KCNN2: variants seen among roughly 807,000 people sequenced by gnomAD.
The protein encoded by KCNN2 is potassium calcium-activated channel subfamily N member 2, also known as small conductance calcium-activated potassium channel protein 2.
KCNN2 carries 24 observed loss-of-function variants against 55.5 expected under a neutral mutation model. The ratio of observed to expected loss-of-function variants is 0.43; its 90% CI spans 0.31 to 0.61. KCNN2 has a LOEUF of 0.61. Among genes scored for constraint, KCNN2 ranks in the 20% least tolerant of loss-of-function variants. The pLI, the probability that KCNN2 is intolerant of heterozygous loss-of-function variation, is 0.08. For synonymous variants in KCNN2, 431 were observed against 336.1 expected (o/e 1.28, Z -3.09); for missense variants, 754 against 853.6 (o/e 0.88, Z 1.45).
chr5:114,202,185 A>C (rs1324567585), intron 1 of KCNN2, among the ~76,000 whole-genome samples: 1 of 151,862 alleles, frequency 6.6e-6, no homozygotes, highest in Non-Finnish European at 1.5e-5. Context: ...CCAGGGTTGG[A>C]TGCCTGTGGG....
At chr5:114,320,558 G>A (rs1756595612) in intron 2 of KCNN2, among the ~76,000 whole-genome samples, 1 of 151,596 alleles carries the variant, frequency 6.6e-6, no homozygotes. Flanking sequence ...AGCTGGCAGT[G>A]AGCCGAGATC....
intron 1 of KCNN2, among the ~76,000 whole-genome samples, chr5:114,159,823 T>G: frequency 6.6e-6 from 1 of 152,236 alleles, no homozygotes; most frequent in Non-Finnish European, 1.5e-5. Flanking sequence ...GATGGTAGTT[T>G]GTATTTCTGT....
chr5:114,162,882 T>C (rs1470354498), intron 1 of KCNN2, among the ~76,000 whole-genome samples: 1 of 152,102 alleles, frequency 6.6e-6, no homozygotes, highest in African/African-American at 2.4e-5. Flanking sequence ...GCGACCTGAT[T>C]TTCCAGGTGC....
chr5:114,280,258 C>G (rs914015704), intron 2 of KCNN2, among the ~76,000 whole-genome samples: 1 of 152,172 alleles, frequency 6.6e-6, no homozygotes. Flanking sequence ...GTTGCCTGTT[C>G]ACTCTGATAG....
At chr5:114,244,721 A>G (rs1035044047) in intron 2 of KCNN2, among the ~76,000 whole-genome samples, 1 of 152,062 alleles carries the variant, frequency 6.6e-6, no homozygotes, top group Non-Finnish European at 1.5e-5. Context: ...TGTGTTGGTG[A>G]AGTTTGTGAG....
chr5:114,370,105 A>C (rs1373776568), intron 2 of KCNN2, among the ~76,000 whole-genome samples: 1 of 152,150 alleles, frequency 6.6e-6, no homozygotes, highest in Admixed American at 6.5e-5. Context: ...TAATAATTCT[A>C]TTTATAAAAC....
intron 2 of KCNN2, among the ~76,000 whole-genome samples, chr5:114,337,988 G>C (rs1016287219): frequency 6.6e-6 from 1 of 152,112 alleles, no homozygotes; most frequent in Non-Finnish European, 1.5e-5. Context: ...TGCTAGAGAG[G>C]CTGGTTATAT....
intron 3 of KCNN2, among the ~76,000 whole-genome samples, chr5:114,441,419 T>C (rs572406865): frequency 5.3e-5 from 8 of 152,322 alleles, no homozygotes; most frequent in African/African-American, 1.9e-4. Flanking sequence ...ATTGACCATA[T>C]GTGATGCCAT....
rs78563837 is a variant in KCNN2, at chr5:114,417,003, G to T, written c.1637+12147G>T. On this transcript the variant is annotated intron_variant, in intron 3 of 7. Coordinates refer to ENST00000673685, the MANE Select transcript of KCNN2 (RefSeq NM_021614.4). ...TTAGTAATTATAAACTCCTGTTTTT[G>T]AACAAAACTGGGTTATACTAGGCAT... Among the ~76,000 whole-genome samples the T allele has an allele frequency of 1.6e-4, 24 of 152,244 alleles. 1 individual carries two copies. In the East Asian group the frequency reaches 4.4e-3, roughly 28 times the overall value.
chr5:114,487,279 G>A (rs1747608557), intron 6 of KCNN2, 102 bp downstream of exon 6: 1 of 1,053,790 alleles, frequency 9.5e-7, no homozygotes, highest in East Asian at 2.4e-5. Flanking sequence ...AGAAAACATT[G>A]TCATGTTTAT....
chr5:114,335,807 TTCAGAA>T (rs1208100840), intron 2 of KCNN2, among the ~76,000 whole-genome samples: 1 of 151,190 alleles, frequency 6.6e-6, no homozygotes, highest in Non-Finnish European at 1.5e-5. Context: ...TGGGAAGAGG[TTCAGAA>T]TCACACGGAG....
intron 1 of KCNN2, among the ~76,000 whole-genome samples, chr5:114,097,593 A>G (rs1751285711): frequency 6.6e-6 from 1 of 152,186 alleles, no homozygotes; most frequent in Non-Finnish European, 1.5e-5. Context: ...TCCTGCCGCT[A>G]TTGAAGGTAG....
At chr5:114,184,406 A>G (rs1193717963) in intron 1 of KCNN2, among the ~76,000 whole-genome samples, 1 of 152,206 alleles carries the variant, frequency 6.6e-6, no homozygotes, top group African/African-American at 2.4e-5. Flanking sequence ...TCATAAAAAG[A>G]TATGTAGAAA....
At chr5:114,114,317 C>G (rs960937816) in intron 1 of KCNN2, among the ~76,000 whole-genome samples, 1 of 152,118 alleles carries the variant, frequency 6.6e-6, no homozygotes, top group Non-Finnish European at 1.5e-5. Flanking sequence ...TAACCATGAA[C>G]TCCTGGGCTC....
At chr5:114,246,731 A>T (rs1014976721) in intron 2 of KCNN2, among the ~76,000 whole-genome samples, 5 of 152,156 alleles carry the variant, frequency 3.3e-5, no homozygotes, top group African/African-American at 1.2e-4. Context: ...AATGAATAAC[A>T]CAATATTCAA....
chr5:114,294,061 C>G (rs761269485), intron 2 of KCNN2, among the ~76,000 whole-genome samples: 2 of 151,962 alleles, frequency 1.3e-5, no homozygotes, highest in Non-Finnish European at 2.9e-5. Flanking sequence ...TTTTTCATTG[C>G]GTCTATTTGA....
rs1758456832 is a variant in KCNN2 at position 114,391,734 on chromosome 5, A to G, written c.1219-12704A>G. On this transcript the variant is annotated intron_variant, in intron 2 of 7. Coordinates refer to ENST00000673685, the MANE Select transcript of KCNN2 (RefSeq NM_021614.4). Reference sequence around the variant, plus strand: ...TTTCTTTTATAAATCTTTACATAGCACATTAATGAATATTAAATTAAATGC... The same window carrying G: ...TTTCTTTTATAAATCTTTACATAGCGCATTAATGAATATTAAATTAAATGC... Among the ~76,000 whole-genome samples, 4 of 152,338 alleles carry G rather than the reference A, an allele frequency of 2.6e-5. No individual in the cohort carries two copies. The South Asian group carries it at 8.3e-4, about 32-fold the overall frequency.
intron 2 of KCNN2, among the ~76,000 whole-genome samples, chr5:114,283,362 C>G (rs1329930868): frequency 6.6e-6 from 1 of 152,036 alleles, no homozygotes; most frequent in African/African-American, 2.4e-5. Context: ...TTCTATTTTT[C>G]AGTTCTATTA....
chr5:114,315,227 T>C (rs1756476770), intron 2 of KCNN2, among the ~76,000 whole-genome samples: 1 of 152,172 alleles, frequency 6.6e-6, no homozygotes, highest in African/African-American at 2.4e-5. Flanking sequence ...CTATTATACC[T>C]GGTGAATTCA....
Sources: gnomAD v4.1 joint callset for allele counts (sites outside exome capture counted in the v4.1 genomes callset) on GRCh38, gnomAD v4.1.1 for gene constraint, MANE v1.5 for transcripts, NCBI Gene and HGNC (gene_info 2026-07-23, HGNC 2026-07-21) for gene names.